The following PAX2 variants were observed in gnomAD, a reference collection of about 807,000 sequenced individuals.
PAX2 encodes the protein paired box protein Pax-2.
In PAX2, 9 loss-of-function variants were observed where a neutral mutation model predicts 41.7. The ratio of observed to expected loss-of-function variants is 0.22; its 90% CI spans 0.13 to 0.38. The LOEUF is 0.38. Among genes scored for constraint, PAX2 ranks in the 10% least tolerant of loss-of-function variants. PAX2 has a pLI of 1.00. For missense variants in PAX2, 418 were observed against 531.6 expected (o/e 0.79, Z 2.10); for synonymous variants, 221 against 212.7 (o/e 1.04, Z -0.34).
chr10:100,824,353 TAC>T lies in PAX2; in HGVS notation c.920-253_920-252del, dbSNP rs61572589. ...GCACAGAGACACAGGCAAAGGCAGATACACACACACACACACACACACACACA... is the reference window on the plus strand; with the variant it reads ...GCACAGAGACACAGGCAAAGGCAGATACACACACACACACACACACACACA... On this transcript the variant is annotated intron_variant, in intron 7 of 9. Coordinates refer to ENST00000355243, the MANE Select transcript of PAX2 (RefSeq NM_000278.5). The surrounding 1 kb of genome is among the most constrained non-coding windows in gnomAD (Gnocchi z 6.6). 0.015 allele frequency among the ~76,000 whole-genome samples: 2,017 copies of T among 135,544 alleles called. 19 individuals carry two copies. Among genetic ancestry groups the T allele is most frequent in the East Asian group, 0.027 (119 of 4,442 alleles). 88.9% of individuals were successfully genotyped at this position (135,544 alleles called of 152,430 possible). A position where few individuals can be genotyped will look rare whatever the true frequency, so the allele number is the denominator to read the frequency against.
At chr10:100,820,372 C>A (rs1299383458) in intron 7 of PAX2, among the ~76,000 whole-genome samples, 1 of 152,158 alleles carries the variant, frequency 6.6e-6, no homozygotes, top group Non-Finnish European at 1.5e-5. Flanking sequence ...ATTGTCTCAC[C>A]CTTGAAACAA....
intron 6 of PAX2, among the ~76,000 whole-genome samples, chr10:100,808,550 C>T (rs1847878324): frequency 6.6e-6 from 1 of 152,146 alleles, no homozygotes; most frequent in South Asian, 2.1e-4. Flanking sequence ...ATGACTGGCC[C>T]CCTCCTACCC....
At position 100,797,404 on chromosome 10, in the gene PAX2, G is replaced by T. The variant is rs909760563; in HGVS notation, c.617-9026G>T. On this transcript the variant is annotated intron_variant, in intron 5 of 9. Transcript: ENST00000355243. Reference sequence around the variant, plus strand: ...TTCTGGCTCCTCTGCCATCTGTGAGGCGTGTAACCTTGGGAAAGTTCCTTA... The same window carrying T: ...TTCTGGCTCCTCTGCCATCTGTGAGTCGTGTAACCTTGGGAAAGTTCCTTA... 3.3e-5 allele frequency among the ~76,000 whole-genome samples: 5 copies of T among 152,208 alleles called. No individual in the cohort carries two copies. In the East Asian group the frequency reaches 7.7e-4, roughly 23 times the overall value.
Position 100,750,989 on chromosome 10 carries a change from T to A in PAX2, c.410+98T>A. On this transcript the variant is annotated intron_variant, in intron 3 of 9. Transcript: ENST00000355243. This position sits in a 1 kb window ranked among gnomAD's most constrained non-coding sequence, Gnocchi z 4.1. ...CAGTCTCTGCTCTTTGTCCAGCCTC[T>A]GCCCTTTCTCCCTGCTTCCAGCCCC... 1 of 958,298 alleles carries A rather than the reference T, an allele frequency of 1.0e-6. No homozygotes were observed. The highest frequency in any genetic ancestry group is 1.8e-5 in the Admixed American group (1 of 56,248). The allele number at this position is 958,298 out of a possible 1,614,324, so 59.4% of individuals were successfully genotyped here. A position where few individuals can be genotyped will look rare whatever the true frequency, so the allele number is the denominator to read the frequency against.
chr10:100,735,676 G>C, exon 1 of PAX2: 1 of 1,058,358 alleles, frequency 9.4e-7, no homozygotes. Context: ...GCCAGACCCA[G>C]CCCCAGGACG....
chr10:100,765,744 CT>C (rs886893142), intron 3 of PAX2, among the ~76,000 whole-genome samples: 3 of 152,092 alleles, frequency 2.0e-5, no homozygotes, highest in Non-Finnish European at 4.4e-5. Context: ...CCCTCTGCCC[CT>C]GTGCTACCTG....
chr10:100,802,457 G>C (rs1239253484), intron 5 of PAX2, among the ~76,000 whole-genome samples: 1 of 152,196 alleles, frequency 6.6e-6, no homozygotes, highest in African/African-American at 2.4e-5. Context: ...GAGTGGAAAA[G>C]GCCTGTGCGT....
intron 5 of PAX2, 45 bp from the exon 6 acceptor site, chr10:100,806,385 C>T (rs1310424748): frequency 3.1e-6 from 5 of 1,606,176 alleles, no homozygotes; most frequent in East Asian, 2.2e-5. Flanking sequence ...TCCTGTGCCT[C>T]TGCTGGCCTG....
chr10:100,787,193 T>C (rs1846903188), intron 5 of PAX2, among the ~76,000 whole-genome samples: 2 of 152,112 alleles, frequency 1.3e-5, no homozygotes, highest in Non-Finnish European at 2.9e-5. Flanking sequence ...ACTTCCGCCA[T>C]GGGCCACTGA....
upstream of PAX2, among the ~76,000 whole-genome samples, chr10:100,741,500 A>G (rs1785921869): frequency 6.8e-6 from 1 of 147,660 alleles, no homozygotes; most frequent in African/African-American, 2.5e-5. Flanking sequence ...GAGGAGGGGG[A>G]AAGGCCGGGC....
chr10:100,736,744 G>A (rs1422922464), intron 1 of PAX2, among the ~76,000 whole-genome samples: 1 of 152,078 alleles, frequency 6.6e-6, no homozygotes, highest in African/African-American at 2.4e-5. Flanking sequence ...CTGAACCCCC[G>A]GGAGTGTCAA....
intron 5 of PAX2, among the ~76,000 whole-genome samples, chr10:100,790,505 C>T (rs1331370548): frequency 6.6e-6 from 1 of 152,248 alleles, no homozygotes; most frequent in African/African-American, 2.4e-5. Flanking sequence ...GCTGCCTCAG[C>T]TCTGCCCTTC....
chr10:100,826,677 C>A lies in PAX2; in HGVS notation c.1022-332C>A, dbSNP rs967985070. On this transcript the variant is annotated intron_variant, in intron 8 of 9. Transcript: ENST00000355243. This position sits in a 1 kb window ranked among gnomAD's most constrained non-coding sequence, Gnocchi z 5.5. ...GAGTGGCATCTATAAAGGCCCTGGC[C>A]CCCAGCGCGACAGGGTGGACGCGCC... Among the ~76,000 whole-genome samples, 3 of 152,228 alleles carry A rather than the reference C, an allele frequency of 2.0e-5. No homozygotes were observed. Among genetic ancestry groups the A allele is most frequent in the Non-Finnish European group, 2.9e-5 (2 of 68,036 alleles).
At position 100,750,548 on chromosome 10, in the gene PAX2, G is replaced by T; in HGVS notation, c.213-146G>T. 1 of 696,386 alleles carries T rather than the reference G, an allele frequency of 1.4e-6. No homozygotes were observed. 43.1% of individuals were successfully genotyped at this position (696,386 alleles called of 1,614,324 possible). A position where few individuals can be genotyped will look rare whatever the true frequency, so the allele number is the denominator to read the frequency against. The stretch of plus-strand genomic sequence containing the variant: ...GCTCCTCCTAGCCAGGCACCCTCAG[G>T]AAGTCAGCTCAGCCACACTGGGCCT... On this transcript the variant is annotated intron_variant, in intron 2 of 9. Transcript: ENST00000355243. The surrounding 1 kb of genome is among the most constrained non-coding windows in gnomAD (Gnocchi z 4.1).
chr10:100,794,545 G>A (rs916281231), intron 5 of PAX2, among the ~76,000 whole-genome samples: 6 of 152,042 alleles, frequency 3.9e-5, no homozygotes, highest in African/African-American at 1.4e-4. Context: ...ATTCTCACAT[G>A]ATATGGTTCC....
At position 100,750,587 on chromosome 10, in the gene PAX2, C is replaced by T. The variant is rs535556645; in HGVS notation, c.213-107C>T. The T allele has an allele frequency of 3.8e-4, 385 of 1,010,232 alleles. No homozygotes were observed. Among genetic ancestry groups the T allele is most frequent in the Non-Finnish European group, 4.9e-4 (325 of 665,796 alleles). 62.6% of individuals were successfully genotyped at this position (1,010,232 alleles called of 1,614,324 possible). On this transcript the variant is annotated intron_variant, in intron 2 of 9. Transcript: ENST00000355243. This position sits in a 1 kb window ranked among gnomAD's most constrained non-coding sequence, Gnocchi z 4.1. Reference sequence around the variant, plus strand: ...CACACTGGGCCTTTTCCCTCCACTCCGCTGCCTCGGCCGGGCAGGAGAGTG... The same window carrying T: ...CACACTGGGCCTTTTCCCTCCACTCTGCTGCCTCGGCCGGGCAGGAGAGTG...
upstream of PAX2, among the ~76,000 whole-genome samples, chr10:100,742,558 G>T (rs899928705): frequency 6.6e-6 from 1 of 152,218 alleles, no homozygotes; most frequent in African/African-American, 2.4e-5. Flanking sequence ...CAGATCAGAT[G>T]CACAGAGGCG....
At chr10:100,809,353 C>T (rs112146889) in intron 7 of PAX2, 117 bp downstream of exon 7, 35 of 1,070,268 alleles carry the variant, frequency 3.3e-5, no homozygotes, top group Middle Eastern at 2.2e-4. Context: ...ACAGAGAGAA[C>T]GAGGCTTCTA....
chr10:100,759,642 G>A (rs747968469), intron 3 of PAX2, among the ~76,000 whole-genome samples: 1 of 152,206 alleles, frequency 6.6e-6, no homozygotes, highest in Non-Finnish European at 1.5e-5. Flanking sequence ...AACAGAACAA[G>A]CCAGGGACAG....
Sources: allele counts gnomAD v4.1 joint callset (sites outside exome capture counted in the v4.1 genomes callset), GRCh38; gene constraint gnomAD v4.1.1; non-coding constraint Gnocchi (gnomAD v3.1); transcripts MANE v1.5; gene names NCBI Gene and HGNC (gene_info 2026-07-23, HGNC 2026-07-21).